The following GTF2F1 variants were observed in gnomAD, a reference collection of about 807,000 sequenced individuals.
GTF2F1 encodes general transcription factor IIF subunit 1.
In GTF2F1, 39 loss-of-function variants were observed where a neutral mutation model predicts 63.5. The observed-to-expected ratio is 0.61, with a 90% CI of 0.48 to 0.80. The LOEUF is 0.80. GTF2F1 is among the 30% of genes least tolerant of loss of function. The pLI is 0.00. For synonymous variants in GTF2F1, 287 were observed against 285.3 expected, an observed-to-expected ratio of 1.01 and a Z score of -0.06; for missense variants, 657 against 718.3, an observed-to-expected ratio of 0.91 and a Z score of 0.97.
At chr19:6,392,417 G>A (rs1389462519) in intron 2 of GTF2F1, 2 of 485,834 alleles carry the variant, frequency 4.1e-6, no homozygotes, top group East Asian at 6.1e-5. Context: ...TTTCCTGGAG[G>A]AGGAAGATAC....
In GTF2F1 at chr19:6,380,135, G is replaced by A; in HGVS notation, c.*146C>T. ...CTAACTACGGGGCCCTGGGAGTCAG[G>A]GAGCAAGCAGGATGTCGAAGGGTCA... On this transcript the variant is annotated 3_prime_UTR_variant, in exon 13 of 13. Transcript: ENST00000394456. The surrounding 1 kb of genome is among the most constrained non-coding windows in gnomAD (Gnocchi z 5.3). 2.7e-6 allele frequency: 2 copies of A among 753,080 alleles called. No individual in the cohort carries two copies. The highest frequency in any genetic ancestry group is 3.1e-5 in the South Asian group (2 of 63,890). The allele number at this position is 753,080 out of a possible 1,614,324, so 46.6% of individuals were successfully genotyped here.
rs1327888790 is a variant in GTF2F1, at chr19:6,380,346, G to T, written c.1489C>A (p.Leu497Ile). Residue 497 changes from leucine (L) to isoleucine (I), a missense_variant, in exon 13 of 13, where the codon CTC becomes ATC. Leu to Ile is a conservative substitution (Grantham distance 5). Around this residue, in one of 2 missense-constraint regions of GTF2F1, gnomAD observed 55 missense variants for 92.6 expected, o/e 0.59. Transcript: ENST00000394456. The surrounding 1 kb of genome is among the most constrained non-coding windows in gnomAD (Gnocchi z 5.3). ...EQTVNVLAQI[L>I]KRLNPERKMI... Reference sequence around the variant, plus strand: ...TTGCGCTCGGGGTTGAGTCGCTTGAGGATCTGGGCCAACACGTTCACTGTC... The same window carrying T: ...TTGCGCTCGGGGTTGAGTCGCTTGATGATCTGGGCCAACACGTTCACTGTC... The T allele has an allele frequency of 6.2e-7, 1 of 1,614,156 alleles. No individual in the cohort carries two copies.
rs773978756 is a variant in GTF2F1, at chr19:6,380,886, G to A, written c.1231+18C>T. On this transcript the variant is annotated intron_variant, in intron 11 of 12. Coordinates refer to ENST00000394456, the MANE Select transcript of GTF2F1 (RefSeq NM_002096.3). The surrounding 1 kb of genome is among the most constrained non-coding windows in gnomAD (Gnocchi z 5.3). ...TGTGGCTGTGGCTGTGGGGAGCGGG[G>A]AGGCCACGGGCACTCACCTTGCTCG... The A allele has an allele frequency of 2.6e-6, 4 of 1,538,064 alleles. No homozygotes were observed. The highest frequency in any genetic ancestry group is 3.5e-6 in the Non-Finnish European group (4 of 1,145,680).
In GTF2F1 at chr19:6,392,766, A is replaced by C. The variant is rs559208062; in HGVS notation, c.59+91T>G. 1.9e-3 allele frequency: 2,436 copies of C among 1,307,152 alleles called. 51 individuals are homozygous for C. In the South Asian group the frequency reaches 0.028, roughly 15 times the overall value. 81.0% of individuals were successfully genotyped at this position (1,307,152 alleles called of 1,614,324 possible). On this transcript the variant is annotated intron_variant, in intron 2 of 12. Transcript: ENST00000394456. ...TCTCCCGGTCTGGAGGGAGAACCACAGACAGGGCCAGAAATGGCTGGCTAA... is the reference window on the plus strand; with the variant it reads ...TCTCCCGGTCTGGAGGGAGAACCACCGACAGGGCCAGAAATGGCTGGCTAA...
At chr19:6,389,767 A>G in intron 3 of GTF2F1, 130 bp from the exon 4 acceptor site, 1 of 754,768 alleles carries the variant, frequency 1.3e-6, no homozygotes, top group Non-Finnish European at 2.2e-6. Context: ...CTTGGCAACA[A>G]GGGAGGAGAA....
At chr19:6,391,849 G>T in intron 3 of GTF2F1, 53 bp downstream of exon 3, 1 of 895,568 alleles carries the variant, frequency 1.1e-6, no homozygotes, top group Non-Finnish European at 1.8e-6. Flanking sequence ...CCAAGGTCAG[G>T]GTCAAGTTCT....
At chr19:6,382,831 G>C (rs943893916) in intron 6 of GTF2F1, among the ~76,000 whole-genome samples, 3 of 150,580 alleles carry the variant, frequency 2.0e-5, no homozygotes, top group African/African-American at 7.3e-5. Context: ...AAGGGCCATG[G>C]CTCAGCTCTC....
Position 6,380,208 on chromosome 19 carries a change from C to T in GTF2F1, c.*73G>A. 7.9e-7 allele frequency: 1 copy of T among 1,259,228 alleles called. No homozygotes were observed. 78.0% of individuals were successfully genotyped at this position (1,259,228 alleles called of 1,614,324 possible). A position where few individuals can be genotyped will look rare whatever the true frequency, so the allele number is the denominator to read the frequency against. ...GGCAGAGCCATGTATTGGACAGAGC[C>T]TCACTCTAGGATGGCGAAGGGGCAG... On this transcript the variant is annotated 3_prime_UTR_variant, in exon 13 of 13. Transcript: ENST00000394456. This position sits in a 1 kb window ranked among gnomAD's most constrained non-coding sequence, Gnocchi z 5.3.
intron 3 of GTF2F1, among the ~76,000 whole-genome samples, chr19:6,390,089 C>CATG (rs1444747203): frequency 1.3e-5 from 2 of 152,180 alleles, no homozygotes; most frequent in Non-Finnish European, 2.9e-5. Context: ...TGGCTCACAC[C>CATG]TGTAATCCCA....
chr19:6,381,004 C>G lies in GTF2F1; in HGVS notation c.1131G>C (p.Ser377=), dbSNP rs762142998. The G allele has an allele frequency of 2.5e-6, 4 of 1,610,368 alleles. No individual in the cohort carries two copies. Among genetic ancestry groups the G allele is most frequent in the Non-Finnish European group, 3.4e-6 (4 of 1,178,512 alleles). The part of the protein sequence containing the change: ...KTPPKRERKP[S]GGSSRGNSRP... ...GGCTGTTGCCCCTTGAGCTCCCTCC[C>G]GACGGCTTCCGCTCTCTCTTGGGTG... is the stretch of plus-strand genomic sequence containing the variant. Residue 377 remains serine, a synonymous_variant, in exon 11 of 13, where the codon TCG becomes TCC. Coordinates refer to ENST00000394456, the MANE Select transcript of GTF2F1 (RefSeq NM_002096.3). This position sits in a 1 kb window ranked among gnomAD's most constrained non-coding sequence, Gnocchi z 4.1.
chr19:6,383,333 G>A lies in GTF2F1; in HGVS notation c.660C>T (p.Ala220=), dbSNP rs763830637. The part of the protein sequence containing the change: ...LEDDLEMSSD[A]SDASGEEGGR... Reference sequence around the variant, plus strand: ...CACCCTCCTCACCACTGGCATCACTGGCATCGGACGACATCTCCAGGTCGT... The same window carrying A: ...CACCCTCCTCACCACTGGCATCACTAGCATCGGACGACATCTCCAGGTCGT... The change falls in exon 6 of 13, where the codon GCC becomes GCT. Residue 220 remains alanine, a synonymous_variant. Transcript: ENST00000394456. The surrounding 1 kb of genome is among the most constrained non-coding windows in gnomAD (Gnocchi z 4.5). The A allele has an allele frequency of 4.3e-6, 7 of 1,614,046 alleles. No individual in the cohort carries two copies. The highest frequency in any genetic ancestry group is 1.7e-5 in the Admixed American group (1 of 60,030).
rs572498289 is a variant in GTF2F1 at position 6,387,887 on chromosome 19, G to A, written c.327-328C>T. On this transcript the variant is annotated intron_variant, in intron 4 of 12. Transcript: ENST00000394456. Reference sequence around the variant, plus strand: ...GCTCTGCTATCTGTGGGCCACACCCGGGAAACTGAGGAGCCAAGTGAGAAG... The same window carrying A: ...GCTCTGCTATCTGTGGGCCACACCCAGGAAACTGAGGAGCCAAGTGAGAAG... Among the ~76,000 whole-genome samples the A allele has an allele frequency of 4.6e-4, 70 of 150,634 alleles. 6 individuals carry two copies. Among genetic ancestry groups the A allele is most frequent in the Non-Finnish European group, 5.4e-4 (36 of 67,104 alleles).
intron 3 of GTF2F1, among the ~76,000 whole-genome samples, chr19:6,390,733 A>T (rs778687218): frequency 2.0e-5 from 3 of 150,360 alleles, no homozygotes; most frequent in Non-Finnish European, 4.4e-5. Context: ...TACAAAAATT[A>T]GCTAGGCGTG....
In GTF2F1 at chr19:6,391,914, A is replaced by G; in HGVS notation, c.120T>C (p.Ala40=). 1 of 1,580,900 alleles carries G rather than the reference A, an allele frequency of 6.3e-7. No individual in the cohort carries two copies. Among genetic ancestry groups the G allele is most frequent in the Non-Finnish European group, 8.6e-7 (1 of 1,160,884 alleles). Residue 40 remains alanine (A), a synonymous_variant, in exon 3 of 13, where the codon GCT becomes GCC. Transcript: ENST00000394456. ...CTCAGAGACTTACCTGATTCCACGT[A>G]GCAAAGTTGACTTTGTCGGCTGCAT... ...AFNAADKVNF[A]TWNQARLERD...
intron 5 of GTF2F1, among the ~76,000 whole-genome samples, chr19:6,384,185 T>C (rs1257394618): frequency 6.6e-6 from 1 of 151,862 alleles, no homozygotes; most frequent in African/African-American, 2.4e-5. Flanking sequence ...TAACGTTGTC[T>C]CATTGCTCAG....
chr19:6,390,672 G>A lies in GTF2F1; in HGVS notation c.133-1035C>T, dbSNP rs141378359. ...AGGCGGGTGGATCACTTGAGGTCAG[G>A]AGTTCAAGACCAGCCTGACCAACAT... is the stretch of plus-strand genomic sequence containing the variant. On this transcript the variant is annotated intron_variant, in intron 3 of 12. Transcript: ENST00000394456. Among the ~76,000 whole-genome samples, 1,011 of 151,776 alleles carry A rather than the reference G, an allele frequency of 6.7e-3. 13 individuals carry two copies. The highest frequency in any genetic ancestry group is 0.023 in the African/African-American group (961 of 41,400).
rs199565341 is a variant in GTF2F1 at position 6,392,919 on chromosome 19, G to C, written c.13-16C>G. On this transcript the variant is annotated splice_polypyrimidine_tract_variant and intron_variant, in intron 1 of 12. Coordinates refer to ENST00000394456, the MANE Select transcript of GTF2F1 (RefSeq NM_002096.3). ...TGCTAGGGCCCTGCGGAAAGAGGAAGCGGTGAGTGAGGGGTCGCCGAGGTC... is the reference window on the plus strand; with the variant it reads ...TGCTAGGGCCCTGCGGAAAGAGGAACCGGTGAGTGAGGGGTCGCCGAGGTC... 1 of 1,614,060 alleles carries C rather than the reference G, an allele frequency of 6.2e-7. No individual in the cohort carries two copies. Among genetic ancestry groups the C allele is most frequent in the South Asian group, 1.1e-5 (1 of 91,090 alleles).
rs781700950 is a variant in GTF2F1 at position 6,380,562 on chromosome 19, C to T, written c.1349+11G>A. Reference sequence around the variant, plus strand: ...CCCTTGCCCTGCCCCCTGCTGTCCTCGTCAACTTACCCGCTGTTGGGTGTT... The same window carrying T: ...CCCTTGCCCTGCCCCCTGCTGTCCTTGTCAACTTACCCGCTGTTGGGTGTT... On this transcript the variant is annotated intron_variant, in intron 12 of 12. Transcript: ENST00000394456. The surrounding 1 kb of genome is among the most constrained non-coding windows in gnomAD (Gnocchi z 5.3). 1.7e-5 allele frequency: 28 copies of T among 1,613,534 alleles called. No homozygotes were observed. The highest frequency in any genetic ancestry group is 8.3e-5 in the Admixed American group (5 of 59,988).
chr19:6,386,048 C>T (rs1017977249), intron 5 of GTF2F1, among the ~76,000 whole-genome samples: 1 of 151,900 alleles, frequency 6.6e-6, no homozygotes, highest in Non-Finnish European at 1.5e-5. Flanking sequence ...TGCACTCCAG[C>T]CTGGGTGACA....
Sources: allele counts gnomAD v4.1 joint callset (sites outside exome capture counted in the v4.1 genomes callset), GRCh38; gene constraint gnomAD v4.1.1; regional missense constraint gnomAD v4.1.1; non-coding constraint Gnocchi (gnomAD v3.1); transcripts MANE v1.5; gene names NCBI Gene and HGNC (gene_info 2026-07-23, HGNC 2026-07-21).